LINGO2: variants seen among roughly 807,000 people sequenced by gnomAD.
LINGO2 encodes leucine rich repeat and Ig domain containing 2, also known as leucine-rich repeat and immunoglobulin-like domain-containing nogo receptor-interacting protein 2.
In LINGO2, 14 loss-of-function variants were observed where a neutral mutation model predicts 30.6. That is an observed-to-expected ratio of 0.46 (90% confidence interval 0.30 to 0.72). The LOEUF (loss-of-function observed/expected upper bound fraction) is 0.72. Ranked by LOEUF, LINGO2 falls within the 30% of genes least tolerant of loss-of-function variation. The pLI, the probability that LINGO2 is intolerant of heterozygous loss-of-function variation, is 0.07. For synonymous variants in LINGO2, 317 were observed against 288.5 expected, an observed-to-expected ratio of 1.10 and a Z score of -1.00; for missense variants, 729 against 751.7, an observed-to-expected ratio of 0.97 and a Z score of 0.35.
intron 3 of LINGO2, among the ~76,000 whole-genome samples, chr9:28,327,142 C>T (rs1364392634): frequency 5.3e-5 from 8 of 152,044 alleles, no homozygotes; most frequent in Non-Finnish European, 8.8e-5. Flanking sequence ...AAGAAGGTGC[C>T]ATCCATGAGA....
At chr9:28,300,166 T>A (rs977643128) in intron 3 of LINGO2, among the ~76,000 whole-genome samples, 5 of 150,936 alleles carry the variant, frequency 3.3e-5, no homozygotes, top group African/African-American at 1.2e-4. Context: ...GAGAAGACTG[T>A]GTTGATAGAC....
intron 2 of LINGO2, among the ~76,000 whole-genome samples, chr9:28,402,943 T>C (rs1234908479): frequency 6.6e-6 from 1 of 152,164 alleles, no homozygotes; most frequent in Non-Finnish European, 1.5e-5. Flanking sequence ...TCTCTACCAC[T>C]TAACAGTTGT....
chr9:28,032,854 C>T (rs541245459), intron 4 of LINGO2, among the ~76,000 whole-genome samples: 46 of 152,216 alleles, frequency 3.0e-4, no homozygotes, highest in Non-Finnish European at 5.7e-4. Flanking sequence ...CACTGTACAA[C>T]AGAAGGGATA....
intron 4 of LINGO2, among the ~76,000 whole-genome samples, chr9:28,200,686 G>A (rs1820197285): frequency 6.6e-6 from 1 of 152,050 alleles, no homozygotes; most frequent in Non-Finnish European, 1.5e-5. Flanking sequence ...AATTGTAATA[G>A]GGCTGTTTAA....
the LINGO2 span, among the ~76,000 whole-genome samples, chr9:28,826,895 C>A: frequency 6.6e-6 from 1 of 152,078 alleles, no homozygotes; most frequent in South Asian, 2.1e-4. Flanking sequence ...TTGACTCCTG[C>A]AATAGAGTTT....
chr9:28,560,635 CTGTT>C (rs765233436), intron 1 of LINGO2, among the ~76,000 whole-genome samples: 3 of 151,838 alleles, frequency 2.0e-5, no homozygotes, highest in Non-Finnish European at 4.4e-5. Flanking sequence ...TTATGCCACA[CTGTT>C]TGGCGTTTTT....
At chr9:28,381,064 T>A (rs12555559) in intron 2 of LINGO2, among the ~76,000 whole-genome samples, 2 of 151,886 alleles carry the variant, frequency 1.3e-5, no homozygotes, top group Non-Finnish European at 2.9e-5. Context: ...AAATCCACCA[T>A]TGGTTGGTAA....
chr9:28,142,569 T>C lies in LINGO2; in HGVS notation c.-86-130164A>G, dbSNP rs376923304. 2.0e-5 allele frequency among the ~76,000 whole-genome samples: 3 copies of C among 152,190 alleles called. No homozygotes were observed. The South Asian group carries it at 6.2e-4, about 31-fold the overall frequency. ...CAAAGAAATTAATTACCTCATTAAT[T>C]GTATTTACATATCTGAAGAAAGACT... On this transcript the variant is annotated intron_variant, in intron 4 of 5. Coordinates refer to ENST00000379992, the Ensembl canonical transcript of LINGO2.
At chr9:28,203,240 T>A (rs1226086913) in intron 4 of LINGO2, among the ~76,000 whole-genome samples, 2 of 152,208 alleles carry the variant, frequency 1.3e-5, no homozygotes, top group Non-Finnish European at 2.9e-5. Flanking sequence ...TGTTACATAA[T>A]TCATGTAACT....
the LINGO2 span, among the ~76,000 whole-genome samples, chr9:28,782,114 T>A: frequency 0.74 from 113,004 of 151,942 alleles, 42,120 homozygotes; most frequent in East Asian, 0.91. Flanking sequence ...TGTTTAAAAA[T>A]ATATATATAT....
chr9:28,049,464 G>A (rs1252286469), intron 4 of LINGO2, among the ~76,000 whole-genome samples: 2 of 150,472 alleles, frequency 1.3e-5, no homozygotes, highest in Non-Finnish European at 2.9e-5. Flanking sequence ...AAAAGGATAA[G>A]TGGCTGGAGG....
chr9:28,083,767 C>G (rs1298908940), intron 4 of LINGO2, among the ~76,000 whole-genome samples: 1 of 152,106 alleles, frequency 6.6e-6, no homozygotes, highest in African/African-American at 2.4e-5. Context: ...AGAAGGCCAT[C>G]AGATATATTC....
intron 4 of LINGO2, among the ~76,000 whole-genome samples, chr9:28,188,890 G>C (rs1022130753): frequency 6.6e-6 from 1 of 152,140 alleles, no homozygotes; most frequent in African/African-American, 2.4e-5. Context: ...CTTTAAAACT[G>C]ATTTTGTGAA....
intron 4 of LINGO2, among the ~76,000 whole-genome samples, chr9:28,263,571 C>G (rs182006732): frequency 1.6e-4 from 24 of 152,064 alleles, no homozygotes; most frequent in Admixed American, 3.9e-4. Flanking sequence ...GGTTTATCCC[C>G]AAATATGAGA....
chr9:29,021,493 T>C, the LINGO2 span, among the ~76,000 whole-genome samples: 2 of 151,848 alleles, frequency 1.3e-5, no homozygotes, highest in African/African-American at 4.8e-5. Flanking sequence ...CCATCTCTAT[T>C]AAAAATACAA....
At chr9:29,165,097 T>A in the LINGO2 span, among the ~76,000 whole-genome samples, 2 of 152,166 alleles carry the variant, frequency 1.3e-5, 1 homozygote. Context: ...TTCAAAGAAC[T>A]ACTAAGAAAA....
chr9:28,219,872 G>C (rs1046082095), intron 4 of LINGO2, among the ~76,000 whole-genome samples: 2 of 152,092 alleles, frequency 1.3e-5, no homozygotes, highest in Admixed American at 1.3e-4. Flanking sequence ...AAAATTCTAA[G>C]TATGGTCAGT....
chr9:28,580,532 G>C (rs1008855454), intron 1 of LINGO2, among the ~76,000 whole-genome samples: 1 of 150,876 alleles, frequency 6.6e-6, no homozygotes, highest in Non-Finnish European at 1.5e-5. Flanking sequence ...ATCTATTTCA[G>C]CTCTTGACCA....
the LINGO2 span, among the ~76,000 whole-genome samples, chr9:28,693,619 G>A: frequency 1.3e-5 from 2 of 152,038 alleles, no homozygotes; most frequent in African/African-American, 4.8e-5. Context: ...TTGAGAAGAG[G>A]CTTCTTATGA....
Sources: allele counts gnomAD v4.1 joint callset (sites outside exome capture counted in the v4.1 genomes callset), GRCh38; gene constraint gnomAD v4.1.1; transcripts MANE v1.5; gene names NCBI Gene and HGNC (gene_info 2026-07-23, HGNC 2026-07-21).